PBX1: variants seen among roughly 807,000 people sequenced by gnomAD.
PBX1 encodes PBX homeobox 1.
PBX1 carries 6 observed loss-of-function variants against 53.4 expected under a neutral mutation model. The ratio of observed to expected loss-of-function variants is 0.11; its 90% CI spans 0.06 to 0.22. PBX1 has a LOEUF of 0.22. Among genes scored for constraint, PBX1 ranks in the 10% least tolerant of loss-of-function variants. The probability of loss-of-function intolerance (pLI) is 1.00; values close to 1 mark genes in which losing one functional copy is unlikely to be tolerated. For missense variants in PBX1, 251 were observed against 551.4 expected, an observed-to-expected ratio of 0.46 and a Z score of 5.46; for synonymous variants, 204 against 212.3, an observed-to-expected ratio of 0.96 and a Z score of 0.34.
rs907114483 is a variant in PBX1, at chr1:164,576,525, C to T, written c.265+13214C>T. Among the ~76,000 whole-genome samples the T allele has an allele frequency of 2.0e-4, 30 of 152,344 alleles. No individual in the cohort carries two copies. In the East Asian group the frequency reaches 5.8e-3, roughly 29 times the overall value. On this transcript the variant is annotated intron_variant, in intron 2 of 8. Transcript: ENST00000420696. ...GTTCCCAGCGCAGGCCGCACGTCAC[C>T]GGCCGCCAGCGCGCGGACCGCGAAG...
intron 2 of PBX1, chr1:164,605,309 G>C (rs1223743057): frequency 1.3e-5 from 2 of 150,738 alleles, no homozygotes; most frequent in East Asian, 3.9e-4. Flanking sequence ...TTTTTTTTTT[G>C]TTTTGAAGAA....
At chr1:164,689,822 C>T (rs548361637) in intron 2 of PBX1, among the ~76,000 whole-genome samples, 1 of 152,214 alleles carries the variant, frequency 6.6e-6, no homozygotes, top group South Asian at 2.1e-4. Context: ...TCATCTCTCT[C>T]TCCCCGTGCC....
At chr1:164,671,544 G>T (rs1196533916) in intron 2 of PBX1, among the ~76,000 whole-genome samples, 1 of 152,102 alleles carries the variant, frequency 6.6e-6, no homozygotes, top group Non-Finnish European at 1.5e-5. Context: ...CTGTTTTACC[G>T]CCTGCTTCAT....
intron 2 of PBX1, among the ~76,000 whole-genome samples, chr1:164,605,898 C>T (rs1270019408): frequency 6.6e-6 from 1 of 152,088 alleles, no homozygotes. Context: ...GAGTTTATGT[C>T]TCATAAAGTT....
Position 164,819,310 on chromosome 1 carries a change from T to G in PBX1, c.998-762T>G, listed in dbSNP as rs913674966. ...GCTAATGGCCCTTCTTGAGGCCCAC[T>G]TATTATTATTATTACTATTATTATT... On this transcript the variant is annotated intron_variant, in intron 6 of 8. Coordinates refer to ENST00000420696, the MANE Select transcript of PBX1 (RefSeq NM_002585.4). 8 of 151,988 alleles carry G rather than the reference T, an allele frequency of 5.3e-5. 1 individual carries two copies. Among genetic ancestry groups the G allele is most frequent in the Admixed American group, 2.0e-4 (3 of 15,254 alleles). The allele number at this position is 151,988 out of a possible 1,614,324, so 9.4% of individuals were successfully genotyped here.
At chr1:164,706,599 C>G (rs1571257148) in intron 2 of PBX1, among the ~76,000 whole-genome samples, 1 of 152,138 alleles carries the variant, frequency 6.6e-6, no homozygotes, top group African/African-American at 2.4e-5. Flanking sequence ...ATATGATATA[C>G]CTTTTTTTGA....
At chr1:164,575,730 A>G (rs55768626) in intron 2 of PBX1, among the ~76,000 whole-genome samples, 117 of 152,310 alleles carry the variant, frequency 7.7e-4, no homozygotes, top group African/African-American at 2.8e-3. Context: ...TTGCATGCAG[A>G]GGCTCTAGGG....
chr1:164,852,564 A>G (rs58604943), downstream of PBX1, among the ~76,000 whole-genome samples: 1,970 of 152,072 alleles, frequency 0.013, 51 homozygotes, highest in African/African-American at 0.045. Flanking sequence ...TTGACATGTT[A>G]CTCTAGGGCC....
intron 8 of PBX1, among the ~76,000 whole-genome samples, chr1:164,844,092 C>CT (rs1284638100): frequency 6.8e-6 from 1 of 146,810 alleles, no homozygotes; most frequent in Non-Finnish European, 1.5e-5. Context: ...AGATACATGC[C>CT]TTTTTTCTTT....
chr1:164,621,320 C>A (rs1039252453), intron 2 of PBX1, among the ~76,000 whole-genome samples: 18 of 152,042 alleles, frequency 1.2e-4, no homozygotes, highest in African/African-American at 3.9e-4. Flanking sequence ...CCTTCTCTTT[C>A]TGTCTGTCTG....
chr1:164,756,755 C>T lies in PBX1; in HGVS notation c.266-35739C>T, dbSNP rs190500298. 1.4e-3 allele frequency among the ~76,000 whole-genome samples: 218 copies of T among 152,106 alleles called. 1 individual carries two copies. Among genetic ancestry groups the T allele is most frequent in the African/African-American group, 5.1e-3 (213 of 41,490 alleles). On this transcript the variant is annotated intron_variant, in intron 2 of 8. Coordinates refer to ENST00000420696, the MANE Select transcript of PBX1 (RefSeq NM_002585.4). Reference sequence around the variant, plus strand: ...ATGTTTTTAGTAGACTCTGGGTGTCCGTATACATATGTGTAACTATACATA... The same window carrying T: ...ATGTTTTTAGTAGACTCTGGGTGTCTGTATACATATGTGTAACTATACATA...
At chr1:164,770,705 C>T (rs1667323594) in intron 2 of PBX1, 1 of 152,170 alleles carries the variant, frequency 6.6e-6, no homozygotes, top group Non-Finnish European at 1.5e-5. Flanking sequence ...ATTTCTGAAG[C>T]CAAGTCCCAG....
At chr1:164,560,413 G>C in intron 1 of PBX1, 2 of 391,500 alleles carry the variant, frequency 5.1e-6, no homozygotes, top group Non-Finnish European at 9.0e-6. Flanking sequence ...TTGTTGAGGG[G>C]ACTCTGTAAC....
chr1:164,767,874 A>C (rs1359330634), intron 2 of PBX1, among the ~76,000 whole-genome samples: 1 of 152,232 alleles, frequency 6.6e-6, no homozygotes, highest in East Asian at 1.9e-4. Context: ...ATGAAATTGC[A>C]ACTAAAAACC....
intron 2 of PBX1, among the ~76,000 whole-genome samples, chr1:164,632,280 T>G (rs867382535): frequency 6.6e-6 from 1 of 152,226 alleles, no homozygotes; most frequent in Middle Eastern, 3.4e-3. Context: ...AAGCAGGAAG[T>G]ATCATTTAGT....
chr1:164,654,122 T>C (rs1001582994), intron 2 of PBX1, among the ~76,000 whole-genome samples: 8 of 152,132 alleles, frequency 5.3e-5, no homozygotes, highest in African/African-American at 1.9e-4. Flanking sequence ...ACACAGTGCA[T>C]TGGGGGTAGG....
rs1451308687 is a variant in PBX1 at position 164,559,335 on chromosome 1, G to C, written c.-488G>C. The C allele has an allele frequency of 4.9e-6, 1 of 202,146 alleles. No homozygotes were observed. The highest frequency in any genetic ancestry group is 1.0e-5 in the Non-Finnish European group (1 of 98,540). 12.5% of individuals were successfully genotyped at this position (202,146 alleles called of 1,614,324 possible). On this transcript the variant is annotated 5_prime_UTR_variant, in exon 1 of 9. Transcript: ENST00000420696. ...GATCACTCTGGCCCGGAGTGGGGGT[G>C]GGGGGCAGCGGGGGGTGGGGGGGGA...
At chr1:164,793,672 T>C (rs1200863594) in intron 3 of PBX1, among the ~76,000 whole-genome samples, 2 of 152,126 alleles carry the variant, frequency 1.3e-5, no homozygotes, top group Non-Finnish European at 1.5e-5. Context: ...CATGCTACTT[T>C]ATCAGGAGTC....
chr1:164,623,831 A>G (rs1223789475), intron 2 of PBX1, among the ~76,000 whole-genome samples: 2 of 152,324 alleles, frequency 1.3e-5, no homozygotes, highest in Admixed American at 6.5e-5. Flanking sequence ...CATGTTAATG[A>G]TATTTTAGAA....
Sources: allele counts gnomAD v4.1 joint callset (sites outside exome capture counted in the v4.1 genomes callset), GRCh38; gene constraint gnomAD v4.1.1; transcripts MANE v1.5; gene names NCBI Gene and HGNC (gene_info 2026-07-23, HGNC 2026-07-21).